The following GPR141 variants were observed in gnomAD, a reference collection of about 807,000 sequenced individuals.
GPR141 encodes G protein-coupled receptor 141, also known as probable G protein-coupled receptor 141.
In GPR141, 6 loss-of-function variants were observed where a neutral mutation model predicts 6.8. That is an observed-to-expected ratio of 0.88 (90% CI 0.48 to 1.74). The LOEUF is 1.74. Among genes scored for constraint, GPR141 ranks in the 40% most tolerant of loss-of-function variants. GPR141 has a pLI of 0.01. For missense variants in GPR141, 372 were observed against 372.9 expected, an observed-to-expected ratio of 1.00 and a Z score of 0.02; for synonymous variants, 140 against 142.3, an observed-to-expected ratio of 0.98 and a Z score of 0.11.
intron 2 of GPR141, among the ~76,000 whole-genome samples, chr7:37,735,853 G>T (rs1812208582): frequency 6.6e-6 from 1 of 152,174 alleles, no homozygotes; most frequent in South Asian, 2.1e-4. Flanking sequence ...TCACAAAGTA[G>T]AATGTGTAAG....
At chr7:37,734,478 G>C (rs992874189) in intron 2 of GPR141, among the ~76,000 whole-genome samples, 4 of 152,184 alleles carry the variant, frequency 2.6e-5, no homozygotes, top group Non-Finnish European at 5.9e-5. Flanking sequence ...ATGGATAAAA[G>C]AGTGGAAAAT....
chr7:37,695,435 A>C (rs956585681), intron 2 of GPR141, among the ~76,000 whole-genome samples: 9 of 152,154 alleles, frequency 5.9e-5, no homozygotes, highest in Non-Finnish European at 1.2e-4. Flanking sequence ...GCCTGTGAGG[A>C]CTGTAGAGAC....
chr7:37,705,916 G>A (rs1348139154), intron 2 of GPR141, among the ~76,000 whole-genome samples: 1 of 152,152 alleles, frequency 6.6e-6, no homozygotes, highest in Non-Finnish European at 1.5e-5. Flanking sequence ...CTAATGTAGG[G>A]AATCAGAGGC....
At chr7:37,720,738 C>CA (rs543342332) in intron 2 of GPR141, among the ~76,000 whole-genome samples, 2,312 of 58,304 alleles carry the variant, frequency 0.04, 62 homozygotes, top group East Asian at 0.14. Context: ...GACTCCGTCT[C>CA]AAAAAAAAAA....
chr7:37,729,721 A>C (rs1262260511), intron 2 of GPR141, among the ~76,000 whole-genome samples: 1 of 152,246 alleles, frequency 6.6e-6, no homozygotes, highest in Non-Finnish European at 1.5e-5. Flanking sequence ...CACCTCAAAG[A>C]TGTGCAAGAC....
At chr7:37,737,281 G>T (rs951091550) in intron 2 of GPR141, among the ~76,000 whole-genome samples, 5 of 152,088 alleles carry the variant, frequency 3.3e-5, no homozygotes, top group East Asian at 1.9e-4. Flanking sequence ...CATGTAGCTG[G>T]ATCCTGTTTC....
intron 2 of GPR141, among the ~76,000 whole-genome samples, chr7:37,691,810 T>TC (rs896062468): frequency 3.3e-5 from 5 of 151,728 alleles, no homozygotes; most frequent in African/African-American, 1.2e-4. Flanking sequence ...TGGAGTTTTT[T>TC]CCCCCCCTTT....
chr7:37,741,725 G>A lies in GPR141; in HGVS notation c.*414G>A, dbSNP rs1326888036. On this transcript the variant is annotated 3_prime_UTR_variant, in exon 3 of 3. Coordinates refer to ENST00000334425, the MANE Select transcript of GPR141 (RefSeq NM_001381946.1). ...CTTCACCTTAGGTAAGTAAATTCTGGCCACCACCCAGCTCCAAAGACACAA... is the reference window on the plus strand; with the variant it reads ...CTTCACCTTAGGTAAGTAAATTCTGACCACCACCCAGCTCCAAAGACACAA... Among the ~76,000 whole-genome samples the A allele has an allele frequency of 6.6e-6, 1 of 151,914 alleles. No individual in the cohort carries two copies. Among genetic ancestry groups the A allele is most frequent in the African/African-American group, 2.4e-5 (1 of 41,328 alleles).
chr7:37,690,222 G>A (rs574400866), intron 2 of GPR141, among the ~76,000 whole-genome samples: 82 of 151,638 alleles, frequency 5.4e-4, no homozygotes, highest in Non-Finnish European at 1.0e-3. Context: ...GCATTTTTAC[G>A]GTTTTGAACA....
intron 2 of GPR141, among the ~76,000 whole-genome samples, chr7:37,701,287 A>AGGAAATATAAAT (rs2131756335): frequency 6.6e-6 from 1 of 152,352 alleles, no homozygotes; most frequent in African/African-American, 2.4e-5. Context: ...TATTAATAAT[A>AGGAAATATAAAT]GGAAATATAA....
chr7:37,732,959 A>G (rs1043627449), intron 2 of GPR141, among the ~76,000 whole-genome samples: 2 of 152,184 alleles, frequency 1.3e-5, no homozygotes, highest in Non-Finnish European at 2.9e-5. Flanking sequence ...CCTAGAAGGG[A>G]AAATTAGGCT....
At chr7:37,714,658 T>G (rs1810962648) in intron 2 of GPR141, among the ~76,000 whole-genome samples, 1 of 152,228 alleles carries the variant, frequency 6.6e-6, no homozygotes, top group Non-Finnish European at 1.5e-5. Context: ...GAAAGCCAAT[T>G]GAAATTTCTT....
intron 2 of GPR141, among the ~76,000 whole-genome samples, chr7:37,734,501 C>T (rs144246932): frequency 4.7e-4 from 72 of 152,280 alleles, no homozygotes; most frequent in African/African-American, 1.6e-3. Context: ...TAAAAACATG[C>T]ACAGTCCTTG....
At chr7:37,736,233 C>T (rs1211912740) in intron 2 of GPR141, among the ~76,000 whole-genome samples, 4 of 150,328 alleles carry the variant, frequency 2.7e-5, no homozygotes, top group Non-Finnish European at 4.4e-5. Context: ...GCCTGGGTGA[C>T]AGAGCAAGAC....
chr7:37,704,990 A>G (rs963170570), intron 2 of GPR141, among the ~76,000 whole-genome samples: 3 of 152,160 alleles, frequency 2.0e-5, no homozygotes, highest in African/African-American at 7.2e-5. Flanking sequence ...AGTTATTGCT[A>G]TGTGCTCAGT....
intron 2 of GPR141, 113 bp from the exon 3 acceptor site, chr7:37,740,267 A>G: frequency 1.5e-6 from 1 of 689,514 alleles, no homozygotes; most frequent in Non-Finnish European, 2.5e-6. Context: ...AAGCATGTAA[A>G]GTTTATATCA....
intron 2 of GPR141, among the ~76,000 whole-genome samples, chr7:37,728,545 C>T (rs1049329461): frequency 1.3e-5 from 2 of 152,074 alleles, no homozygotes; most frequent in East Asian, 1.9e-4. Context: ...GATGTTGGCT[C>T]TACCATAGGT....
chr7:37,731,653 C>T (rs934262086), intron 2 of GPR141, among the ~76,000 whole-genome samples: 8 of 152,158 alleles, frequency 5.3e-5, no homozygotes, highest in Non-Finnish European at 1.2e-4. Context: ...GGGGTTTCAC[C>T]GAGTTAGCCA....
rs145445554 is a variant in GPR141, at chr7:37,741,065, G to A, written c.672G>A (p.Gln224=). 431 of 1,614,110 alleles carry A rather than the reference G, an allele frequency of 2.7e-4. 1 individual carries two copies. The Middle Eastern group carries it at 5.0e-3, about 19-fold the overall frequency. The part of the protein sequence containing the change: ...SLLSHQEFWA[Q]LKNLFFIGVI... Reference sequence around the variant, plus strand: ...TATCCCACCAGGAGTTCTGGGCTCAGCTGAAAAACCTATTTTTTATAGGGG... The same window carrying A: ...TATCCCACCAGGAGTTCTGGGCTCAACTGAAAAACCTATTTTTTATAGGGG... The change falls in exon 3 of 3, where the codon CAG becomes CAA. Residue 224 remains glutamine (Q), a synonymous_variant. Transcript: ENST00000334425.
Sources: gnomAD v4.1 joint callset for allele counts (sites outside exome capture counted in the v4.1 genomes callset) on GRCh38, gnomAD v4.1.1 for gene constraint, MANE v1.5 for transcripts, NCBI Gene and HGNC (gene_info 2026-07-23, HGNC 2026-07-21) for gene names.